The following PHACTR3 variants were observed in gnomAD, a reference collection of about 807,000 sequenced individuals.
The protein encoded by PHACTR3 is phosphatase and actin regulator 3.
PHACTR3 carries 16 observed loss-of-function variants against 66.8 expected under a neutral mutation model. That is an observed-to-expected ratio of 0.24 (90% CI 0.16 to 0.36). PHACTR3 has a LOEUF of 0.36. PHACTR3 is among the 10% of genes least tolerant of loss of function. The pLI is 1.00. For synonymous variants in PHACTR3, 323 were observed against 292.1 expected (o/e 1.11, Z -1.08); for missense variants, 647 against 719.9 (o/e 0.90, Z 1.16).
At chr20:59,663,753 G>C (rs1176907325) in intron 1 of PHACTR3, among the ~76,000 whole-genome samples, 5 of 152,164 alleles carry the variant, frequency 3.3e-5, no homozygotes, top group South Asian at 4.1e-4. Context: ...CCTTGAGGAG[G>C]GTTCTGGGCT....
chr20:59,753,034 G>A (rs890619024), intron 3 of PHACTR3, among the ~76,000 whole-genome samples: 26 of 152,262 alleles, frequency 1.7e-4, no homozygotes, highest in African/African-American at 6.3e-4. Context: ...GAGCTCTCTT[G>A]GCTTGTATCT....
At chr20:59,832,004 G>A (rs1487875441) in intron 8 of PHACTR3, among the ~76,000 whole-genome samples, 2 of 152,170 alleles carry the variant, frequency 1.3e-5, no homozygotes, top group Non-Finnish European at 2.9e-5. Context: ...TGTGGGGCAG[G>A]GGTGGTGGCC....
At chr20:59,788,272 A>G (rs923585974) in intron 7 of PHACTR3, among the ~76,000 whole-genome samples, 1 of 152,220 alleles carries the variant, frequency 6.6e-6, no homozygotes, top group Admixed American at 6.5e-5. Flanking sequence ...GTCATCGTAC[A>G]GATGCGTTTT....
intron 1 of PHACTR3, among the ~76,000 whole-genome samples, chr20:59,605,808 T>C (rs1026721071): frequency 1.4e-4 from 19 of 131,794 alleles, no homozygotes; most frequent in East Asian, 4.9e-4. Context: ...TAGGGCTTGA[T>C]TGATTACTTT....
chr20:59,821,985 C>T (rs1335446449), intron 8 of PHACTR3, among the ~76,000 whole-genome samples: 2 of 147,730 alleles, frequency 1.4e-5, no homozygotes, highest in Admixed American at 6.8e-5. Flanking sequence ...GCAGCGATCC[C>T]ACCCCTTCCC....
intron 1 of PHACTR3, among the ~76,000 whole-genome samples, chr20:59,741,073 C>T (rs2039141365): frequency 6.6e-6 from 1 of 152,254 alleles, no homozygotes; most frequent in African/African-American, 2.4e-5. Context: ...CACTGGTGGT[C>T]TCCTTCCCTG....
At chr20:59,816,702 G>A (rs1189349701) in intron 8 of PHACTR3, among the ~76,000 whole-genome samples, 3 of 152,218 alleles carry the variant, frequency 2.0e-5, no homozygotes, top group African/African-American at 7.2e-5. Context: ...GCTAATTACT[G>A]TTGAATGGAT....
At chr20:59,845,383 C>A in intron 12 of PHACTR3, 118 bp downstream of exon 12, 1 of 640,482 alleles carries the variant, frequency 1.6e-6, no homozygotes. Flanking sequence ...TTCCAGAGAA[C>A]TCTATTGAAC....
chr20:59,661,293 C>A (rs1279676838), intron 1 of PHACTR3, among the ~76,000 whole-genome samples: 1 of 152,128 alleles, frequency 6.6e-6, no homozygotes, highest in East Asian at 1.9e-4. Context: ...GTGTTTCAGA[C>A]AGAGGTCCTG....
chr20:59,794,368 C>T (rs2041193446), intron 7 of PHACTR3, among the ~76,000 whole-genome samples: 1 of 151,972 alleles, frequency 6.6e-6, no homozygotes, highest in Non-Finnish European at 1.5e-5. Flanking sequence ...ACATATTGAA[C>T]CATGCTTGCA....
At position 59,719,450 on chromosome 20, in the gene PHACTR3, A is replaced by G. The variant is rs180880523; in HGVS notation, c.119-23657A>G. The stretch of plus-strand genomic sequence containing the variant: ...AGTGTTGGGATTATAGGCATGAGCC[A>G]CCGCTCCCGGTCTCTTAGCTTATTC... On this transcript the variant is annotated intron_variant, in intron 1 of 12. Coordinates refer to ENST00000371015, the MANE Select transcript of PHACTR3 (RefSeq NM_080672.5). 3.4e-3 allele frequency among the ~76,000 whole-genome samples: 514 copies of G among 152,310 alleles called. 2 individuals carry two copies. Among genetic ancestry groups the G allele is most frequent in the Non-Finnish European group, 3.8e-3 (260 of 68,024 alleles).
intron 1 of PHACTR3, among the ~76,000 whole-genome samples, chr20:59,741,713 C>T (rs907614855): frequency 2.6e-5 from 4 of 151,936 alleles, no homozygotes; most frequent in African/African-American, 4.8e-5. Flanking sequence ...CTCCCTCTCT[C>T]CCCCGCCTGC....
chr20:59,659,784 T>C (rs568791787), intron 1 of PHACTR3, among the ~76,000 whole-genome samples: 17 of 152,144 alleles, frequency 1.1e-4, no homozygotes, highest in Admixed American at 5.9e-4. Flanking sequence ...GAGCACTGAG[T>C]GGTTTCTTTG....
intron 7 of PHACTR3, among the ~76,000 whole-genome samples, chr20:59,797,789 G>A (rs1379437780): frequency 6.6e-6 from 1 of 151,986 alleles, no homozygotes; most frequent in African/African-American, 2.4e-5. Flanking sequence ...TGCTTTTTGA[G>A]CGATAAACTA....
intron 1 of PHACTR3, among the ~76,000 whole-genome samples, chr20:59,686,214 A>T (rs2036855350): frequency 6.6e-6 from 1 of 152,196 alleles, no homozygotes; most frequent in South Asian, 2.1e-4. Context: ...GACTGAAGGG[A>T]TGAGAAGAGT....
intron 1 of PHACTR3, among the ~76,000 whole-genome samples, chr20:59,638,301 T>A (rs2146414060): frequency 6.6e-6 from 1 of 152,318 alleles, no homozygotes; most frequent in South Asian, 2.1e-4. Flanking sequence ...TCCAGTTTGT[T>A]ATCCATCCCT....
chr20:59,787,305 T>G, intron 7 of PHACTR3, among the ~76,000 whole-genome samples: 1 of 152,198 alleles, frequency 6.6e-6, no homozygotes. Context: ...CCCTGGCAAG[T>G]GCACTGGCTT....
chr20:59,602,439 C>CA (rs11477953), upstream of PHACTR3, among the ~76,000 whole-genome samples: 9,003 of 85,772 alleles, frequency 0.1, 336 homozygotes, highest in Admixed American at 0.19. Context: ...AAAACTCTTT[C>CA]AAAAAAAAAA....
intron 8 of PHACTR3, among the ~76,000 whole-genome samples, chr20:59,811,870 G>T (rs922406904): frequency 4.6e-5 from 7 of 152,250 alleles, no homozygotes; most frequent in Non-Finnish European, 8.8e-5. Flanking sequence ...GTGAAATGGG[G>T]ATGGTGGCAA....
Sources: gnomAD v4.1 joint callset for allele counts (sites outside exome capture counted in the v4.1 genomes callset) on GRCh38, gnomAD v4.1.1 for gene constraint, MANE v1.5 for transcripts, NCBI Gene and HGNC (gene_info 2026-07-23, HGNC 2026-07-21) for gene names.